The following KNTC1 variants were observed in gnomAD, a reference collection of about 807,000 sequenced individuals.
KNTC1 encodes the protein kinetochore-associated protein 1.
KNTC1 carries 253 observed loss-of-function variants against 314.4 expected under a neutral mutation model. The ratio of observed to expected loss-of-function variants is 0.80; its 90% CI spans 0.73 to 0.89. The LOEUF (loss-of-function observed/expected upper bound fraction) is 0.89. Among genes scored for constraint, KNTC1 ranks in the 40% least tolerant of loss-of-function variants. KNTC1 has a pLI of 0.00. For synonymous variants in KNTC1, 901 were observed against 901.4 expected, an observed-to-expected ratio of 1.00 and a Z score of 0.01; for missense variants, 2,475 against 2,572.9, an observed-to-expected ratio of 0.96 and a Z score of 0.82.
chr12:122,608,594 C>T (rs1872773836), intron 51 of KNTC1, among the ~76,000 whole-genome samples: 1 of 152,162 alleles, frequency 6.6e-6, no homozygotes, highest in Non-Finnish European at 1.5e-5. Context: ...CCAGCCTTTA[C>T]AGATGTTTTA....
rs1329062508 is a variant in KNTC1 at position 122,574,358 on chromosome 12, T to C, written c.2360T>C (p.Ile787Thr). Residue 787 changes from isoleucine to threonine, a missense_variant, in exon 27 of 64, where the codon ATA becomes ACA. Transcript: ENST00000333479. ...TGGGAAGCAAAGGCCATGGCAGTAATAGCGTGTTTATCTGACACGGACGTA... is the reference window on the plus strand; with the variant it reads ...TGGGAAGCAAAGGCCATGGCAGTAACAGCGTGTTTATCTGACACGGACGTA... ...TAWEAKAMAV[I>T]ACLSDTDLIF... 3.1e-6 allele frequency: 5 copies of C among 1,607,088 alleles called. No homozygotes were observed. Among genetic ancestry groups the C allele is most frequent in the South Asian group, 1.1e-5 (1 of 90,524 alleles).
chr12:122,545,481 A>G (rs2137735397), intron 8 of KNTC1, among the ~76,000 whole-genome samples: 1 of 152,306 alleles, frequency 6.6e-6, no homozygotes, highest in African/African-American at 2.4e-5. Flanking sequence ...ATCTAATTTA[A>G]CATTTCACCA....
intron 40 of KNTC1, 110 bp from the exon 41 acceptor site, chr12:122,590,497 A>T: frequency 9.0e-7 from 1 of 1,105,308 alleles, no homozygotes; most frequent in Non-Finnish European, 1.3e-6. Flanking sequence ...GTTTTTTTTA[A>T]GTATAAATTA....
chr12:122,548,861 G>A (rs1185202796), intron 12 of KNTC1, among the ~76,000 whole-genome samples: 2 of 151,890 alleles, frequency 1.3e-5, no homozygotes, highest in African/African-American at 4.8e-5. Flanking sequence ...CCAGTTACTC[G>A]AGAGGCTGAG....
chr12:122,572,834 C>T, intron 24 of KNTC1, 103 bp from the exon 25 acceptor site: 1 of 945,768 alleles, frequency 1.1e-6, no homozygotes, highest in South Asian at 1.8e-5. Context: ...CTCTTACGTG[C>T]ATAACCAGGG....
rs778267811 is a variant in KNTC1, at chr12:122,613,208, A to T, written c.5719A>T (p.Lys1907Ter). The T allele has an allele frequency of 1.9e-6, 3 of 1,601,834 alleles. No homozygotes were observed. Among genetic ancestry groups the T allele is most frequent in the Non-Finnish European group, 2.6e-6 (3 of 1,169,674 alleles). Reference protein sequence around the residue: ...ADKETIESLFKKPIEEVKSYL... With the variant: ...ADKETIESLF ...CAAGGAAACTATAGAATCTCTCTTT[A>T]AAAAACCCATTGAAGAAGTGAAGTA... Residue 1907 changes from lysine to a stop codon, truncating the protein, a stop_gained, in exon 54 of 64, where the codon AAA (lysine) becomes TAA (stop). Transcript: ENST00000333479. LOFTEE classifies it high-confidence loss of function.
Position 122,626,307 on chromosome 12 carries a change from A to G in KNTC1, c.*79A>G, listed in dbSNP as rs1388523308. The G allele has an allele frequency of 1.0e-6, 1 of 970,254 alleles. No individual in the cohort carries two copies. The highest frequency in any genetic ancestry group is 1.4e-5 in the South Asian group (1 of 71,438). 60.1% of individuals were successfully genotyped at this position (970,254 alleles called of 1,614,324 possible). A position where few individuals can be genotyped will look rare whatever the true frequency, so the allele number is the denominator to read the frequency against. The stretch of plus-strand genomic sequence containing the variant: ...GGACCATATTTATTACAGTTTTTAA[A>G]TTGTACAATCTCTGTATTATAGCTA... On this transcript the variant is annotated 3_prime_UTR_variant, in exon 64 of 64. Transcript: ENST00000333479.
intron 36 of KNTC1, 67 bp downstream of exon 36, chr12:122,585,057 G>A (rs1278442798): frequency 3.0e-5 from 25 of 840,814 alleles, no homozygotes; most frequent in Non-Finnish European, 3.5e-5. Flanking sequence ...TTTTTTTTTC[G>A]GACAGGGTTT....
intron 60 of KNTC1, 80 bp from the exon 61 acceptor site, chr12:122,621,801 C>A: frequency 2.2e-6 from 2 of 906,186 alleles, no homozygotes; most frequent in Non-Finnish European, 3.5e-6. Flanking sequence ...CTTAGAAGAG[C>A]AAAATACCTG....
chr12:122,625,405 A>C (rs983829593), intron 63 of KNTC1, among the ~76,000 whole-genome samples: 1 of 150,844 alleles, frequency 6.6e-6, no homozygotes, highest in South Asian at 2.1e-4. Flanking sequence ...TCTGTCTCCA[A>C]AAAAAAAATA....
At chr12:122,562,523 A>T in intron 19 of KNTC1, 115 bp from the exon 20 acceptor site, 2 of 649,890 alleles carry the variant, frequency 3.1e-6, no homozygotes. Flanking sequence ...TTGAGTTGTG[A>T]TGTGAGATAA....
At position 122,541,261 on chromosome 12, in the gene KNTC1, T is replaced by TTGCCTGCCTGCCTGCC. The variant is rs201311150; in HGVS notation, c.446-775_446-760dup. On this transcript the variant is annotated intron_variant, in intron 5 of 63. Transcript: ENST00000333479. The stretch of plus-strand genomic sequence containing the variant: ...AGTTCCAGATACTGTTTGTTTGTGC[T>TTGCCTGCCTGCCTGCC]TGCCTGCCTGCCTGCCTGCCTGCCT... Among the ~76,000 whole-genome samples, 140 of 137,326 alleles carry TTGCCTGCCTGCCTGCC rather than the reference T, an allele frequency of 1.0e-3. 2 individuals carry two copies. Among genetic ancestry groups the TTGCCTGCCTGCCTGCC allele is most frequent in the African/African-American group, 3.9e-3 (134 of 34,284 alleles). 90.1% of individuals were successfully genotyped at this position (137,326 alleles called of 152,430 possible).
At position 122,594,254 on chromosome 12, in the gene KNTC1, GTT is replaced by G. The variant is rs770182884; in HGVS notation, c.4246-16_4246-15del. The G allele has an allele frequency of 7.1e-7, 1 of 1,413,168 alleles. No individual in the cohort carries two copies. 87.5% of individuals were successfully genotyped at this position (1,413,168 alleles called of 1,614,324 possible). A position where few individuals can be genotyped will look rare whatever the true frequency, so the allele number is the denominator to read the frequency against. ...TCAGTGTAGAGGGTTTTTTTGCTTT[GTT>G]TTTTTCTTTTTATTTCTAGATTTCT... On this transcript the variant is annotated intron_variant, in intron 42 of 63. Coordinates refer to ENST00000333479, the MANE Select transcript of KNTC1 (RefSeq NM_014708.6).
chr12:122,595,122 C>T lies in KNTC1; in HGVS notation c.4355+737C>T, dbSNP rs185354051. The stretch of plus-strand genomic sequence containing the variant: ...AACTCCTGACCTCAAGTGATTCACC[C>T]GCCTCGGCCTCCCAAAGTACTGGGA... On this transcript the variant is annotated intron_variant, in intron 43 of 63. Transcript: ENST00000333479. Among the ~76,000 whole-genome samples the T allele has an allele frequency of 1.8e-3, 279 of 152,320 alleles. 1 individual carries two copies. The highest frequency in any genetic ancestry group is 6.5e-3 in the African/African-American group (269 of 41,566).
At chr12:122,602,536 C>G (rs371312826) in intron 45 of KNTC1, 33 bp from the exon 46 acceptor site, 1 of 1,405,916 alleles carries the variant, frequency 7.1e-7, no homozygotes, top group Non-Finnish European at 9.9e-7. Context: ...TTGGGTTACT[C>G]TTACTGGACA....
At chr12:122,539,559 A>T in intron 4 of KNTC1, 117 bp from the exon 5 acceptor site, 1 of 688,138 alleles carries the variant, frequency 1.5e-6, no homozygotes, top group Non-Finnish European at 2.4e-6. Flanking sequence ...TAAGATGTTT[A>T]GAATATAGGC....
chr12:122,580,491 T>C (rs1045253126), intron 32 of KNTC1, 112 bp from the exon 33 acceptor site: 6 of 642,484 alleles, frequency 9.3e-6, no homozygotes, highest in African/African-American at 3.8e-5. Flanking sequence ...TGAGAAGAAC[T>C]ACTGAAGACT....
chr12:122,563,406 C>A (rs1964108199), intron 20 of KNTC1, among the ~76,000 whole-genome samples: 1 of 152,052 alleles, frequency 6.6e-6, no homozygotes, highest in Non-Finnish European at 1.5e-5. Context: ...GCTGACATTA[C>A]TATTTAACAG....
rs760935420 is a variant in KNTC1, at chr12:122,605,103, T to A, written c.5386+16T>A. 21 of 1,583,240 alleles carry A rather than the reference T, an allele frequency of 1.3e-5. No homozygotes were observed. The Admixed American group carries it at 2.0e-4, about 15-fold the overall frequency. On this transcript the variant is annotated intron_variant, in intron 50 of 63. Coordinates refer to ENST00000333479, the MANE Select transcript of KNTC1 (RefSeq NM_014708.6). ...GATTATCCTGGTGAGGACAAAACAA[T>A]TTTTTTGTTGTCCAAGAAAAGCTAT...
Sources: gnomAD v4.1 joint callset for allele counts (sites outside exome capture counted in the v4.1 genomes callset) on GRCh38, gnomAD v4.1.1 for gene constraint, MANE v1.5 for transcripts, NCBI Gene and HGNC (gene_info 2026-07-23, HGNC 2026-07-21) for gene names.